MAP4K3: variants seen among roughly 807,000 people sequenced by gnomAD.
MAP4K3 encodes the protein MAPK/ERK kinase kinase kinase 3.
MAP4K3 carries 94 observed loss-of-function variants against 143.5 expected under a neutral mutation model. The ratio of observed to expected loss-of-function variants is 0.65; its 90% CI spans 0.55 to 0.78. The LOEUF (loss-of-function observed/expected upper bound fraction) is 0.78. Ranked by LOEUF, MAP4K3 falls within the 30% of genes least tolerant of loss-of-function variation. MAP4K3 has a pLI of 0.00. For missense variants in MAP4K3, 1,077 were observed against 1,068.1 expected, an observed-to-expected ratio of 1.01 and a Z score of -0.12; for synonymous variants, 416 against 347.2, an observed-to-expected ratio of 1.20 and a Z score of -2.20.
intron 30 of MAP4K3, 23 bp downstream of exon 30, chr2:39,258,496 G>T: frequency 1.2e-6 from 2 of 1,606,836 alleles, no homozygotes; most frequent in South Asian, 1.1e-5. Context: ...ATTAAAGTAA[G>T]ACATTCATAA....
rs894049249 is a variant in MAP4K3, at chr2:39,274,933, T to C, written c.1795-2391A>G. On this transcript the variant is annotated intron_variant, in intron 24 of 33. Coordinates refer to ENST00000263881, the MANE Select transcript of MAP4K3 (RefSeq NM_003618.4). ...TCACTTTTCAGAATCTTCCCCTATT[T>C]AGTAGGCTCACGCCACCCTGTTTCC... Among the ~76,000 whole-genome samples, 4 of 152,184 alleles carry C rather than the reference T, an allele frequency of 2.6e-5. No individual in the cohort carries two copies. The South Asian group carries it at 6.2e-4, about 24-fold the overall frequency.
intron 7 of MAP4K3, 104 bp downstream of exon 7, chr2:39,333,428 A>G (rs1369380783): frequency 1.2e-6 from 1 of 802,798 alleles, no homozygotes; most frequent in Non-Finnish European, 2.1e-6. Context: ...AAATACACAG[A>G]TGCCGTCTTA....
chr2:39,355,548 G>T (rs1430107288), intron 3 of MAP4K3, among the ~76,000 whole-genome samples: 4 of 151,726 alleles, frequency 2.6e-5, no homozygotes, highest in South Asian at 4.2e-4. Context: ...ACAAAAGAAA[G>T]AAAGGAAAAA....
chr2:39,345,389 C>T (rs2148538202), intron 3 of MAP4K3, among the ~76,000 whole-genome samples: 1 of 152,030 alleles, frequency 6.6e-6, no homozygotes, highest in East Asian at 1.9e-4. Context: ...CACACTCTGG[C>T]CTGGGTGACA....
Position 39,268,672 on chromosome 2 carries a change from C to T in MAP4K3, c.1974-1425G>A, listed in dbSNP as rs555712631. Among the ~76,000 whole-genome samples, 17 of 108,312 alleles carry T rather than the reference C, an allele frequency of 1.6e-4. No homozygotes were observed. In the East Asian group the frequency reaches 2.3e-3, roughly 15 times the overall value. 71.1% of individuals were successfully genotyped at this position (108,312 alleles called of 152,430 possible). On this transcript the variant is annotated intron_variant, in intron 26 of 33. Transcript: ENST00000263881. ...TTTTTTTTTTTGAGACGGAGTCTCG[C>T]TCTGTCGCCCAGGCTGGAGTGCAGT... is the stretch of plus-strand genomic sequence containing the variant.
chr2:39,308,063 T>C, intron 14 of MAP4K3, 58 bp from the exon 15 acceptor site: 2 of 1,210,498 alleles, frequency 1.7e-6, no homozygotes, highest in Non-Finnish European at 2.4e-6. Flanking sequence ...AAGCCACAAA[T>C]TCACAAAGGG....
chr2:39,428,502 A>G (rs6717792), intron 1 of MAP4K3, among the ~76,000 whole-genome samples: 145,576 of 152,040 alleles, frequency 0.96, 70,032 homozygotes, highest in East Asian at 1. Flanking sequence ...GCGAAACTCC[A>G]TCTCTACTAA....
intron 12 of MAP4K3, among the ~76,000 whole-genome samples, chr2:39,320,598 G>A (rs1383617525): frequency 6.6e-6 from 1 of 151,528 alleles, no homozygotes; most frequent in African/African-American, 2.4e-5. Context: ...TATGTGCACT[G>A]CCAACTTCAT....
intron 24 of MAP4K3, among the ~76,000 whole-genome samples, chr2:39,273,531 G>A (rs373786179): frequency 1.6e-3 from 116 of 71,780 alleles, no homozygotes; most frequent in Middle Eastern, 0.015. Flanking sequence ...GGAATAGAGA[G>A]GACCCAGGGG....
At chr2:39,253,576 G>C (rs920926683) in intron 32 of MAP4K3, among the ~76,000 whole-genome samples, 1 of 152,198 alleles carries the variant, frequency 6.6e-6, no homozygotes, top group African/African-American at 2.4e-5. Context: ...AGGTCACCCA[G>C]CTACTAACTA....
chr2:39,305,218 A>G (rs1311635449), intron 15 of MAP4K3, among the ~76,000 whole-genome samples: 2 of 152,232 alleles, frequency 1.3e-5, no homozygotes, highest in South Asian at 2.1e-4. Flanking sequence ...TTCGTAATGT[A>G]TATTTTACCA....
At position 39,282,498 on chromosome 2, in the gene MAP4K3, A is replaced by G. The variant is rs767017830; in HGVS notation, c.1629+15T>C. ...CTTAGCTTGAAACTTAGCCTACTCC[A>G]TATTTAGTACTTACATGCACTTTAG... On this transcript the variant is annotated intron_variant, in intron 22 of 33. Transcript: ENST00000263881. The G allele has an allele frequency of 1.2e-6, 2 of 1,604,898 alleles. No individual in the cohort carries two copies. The highest frequency in any genetic ancestry group is 2.2e-5 in the East Asian group (1 of 44,692).
At chr2:39,286,647 A>G (rs1681790084) in intron 21 of MAP4K3, among the ~76,000 whole-genome samples, 1 of 152,264 alleles carries the variant, frequency 6.6e-6, no homozygotes, top group South Asian at 2.1e-4. Context: ...AACGATAAAA[A>G]GCCATCATTC....
chr2:39,426,647 T>A (rs545212158), intron 1 of MAP4K3, among the ~76,000 whole-genome samples: 1 of 152,178 alleles, frequency 6.6e-6, no homozygotes, highest in Admixed American at 6.5e-5. Context: ...AAAGGATGTA[T>A]GAGAGTTATT....
At chr2:39,313,765 G>C (rs1206161366) in intron 13 of MAP4K3, among the ~76,000 whole-genome samples, 1 of 152,042 alleles carries the variant, frequency 6.6e-6, no homozygotes. Flanking sequence ...CACCCGCCTC[G>C]GCCTCCCAAA....
At chr2:39,287,146 T>C (rs543187661) in intron 20 of MAP4K3, among the ~76,000 whole-genome samples, 182 bp from the exon 21 acceptor site, 1 of 152,398 alleles carries the variant, frequency 6.6e-6, no homozygotes, top group African/African-American at 2.4e-5. Flanking sequence ...CTTCTATTTA[T>C]ACCTCTATTT....
chr2:39,362,945 G>A (rs1001160298), intron 2 of MAP4K3, among the ~76,000 whole-genome samples: 1 of 152,152 alleles, frequency 6.6e-6, no homozygotes, highest in African/African-American at 2.4e-5. Context: ...TATGCAATGG[G>A]ATAAAACAGT....
At position 39,272,540 on chromosome 2, in the gene MAP4K3, T is replaced by A. The variant is rs146223460; in HGVS notation, c.1797A>T (p.Leu599=). 4 of 1,612,864 alleles carry A rather than the reference T, an allele frequency of 2.5e-6. No homozygotes were observed. The African/African-American group carries it at 5.3e-5, about 22-fold the overall frequency. ...ACAACCATGTACACCTTCGAGGGAA[T>A]AGCTGATTAAAAAAAGGCACAAAGT... ...NELHETSMEQ[L]FPRRCTWLYV... Residue 599 remains leucine (L), a splice_region_variant and synonymous_variant, in exon 25 of 34, where the codon CTA becomes CTT. Transcript: ENST00000263881.
At chr2:39,266,366 CCTTA>C (rs1680763929) in intron 27 of MAP4K3, among the ~76,000 whole-genome samples, 1 of 152,248 alleles carries the variant, frequency 6.6e-6, no homozygotes, top group South Asian at 2.1e-4. Context: ...AGACTTCCTT[CCTTA>C]CTTGTTGCAC....
Sources: gnomAD v4.1 joint callset for allele counts (sites outside exome capture counted in the v4.1 genomes callset) on GRCh38, gnomAD v4.1.1 for gene constraint, MANE v1.5 for transcripts, NCBI Gene and HGNC (gene_info 2026-07-23, HGNC 2026-07-21) for gene names.